The following NRXN3 variants were observed in gnomAD, a reference collection of about 807,000 sequenced individuals.
NRXN3 encodes neurexin III.
Under a neutral mutation model 137.6 loss-of-function variants are expected in NRXN3, and 32 were observed. That is an observed-to-expected ratio of 0.23 (90% CI 0.18 to 0.31). The LOEUF is 0.31. NRXN3 is among the 10% of genes least tolerant of loss of function. The probability of loss-of-function intolerance (pLI) is 1.00; values close to 1 mark genes in which losing one functional copy is unlikely to be tolerated. For missense variants in NRXN3, 1,574 were observed against 2,062.5 expected (o/e 0.76, Z 4.59); for synonymous variants, 798 against 784.5 (o/e 1.02, Z -0.29).
chr14:79,772,026 A>G lies in NRXN3; in HGVS notation c.4015-33086A>G, dbSNP rs200085486. On this transcript the variant is annotated intron_variant, in intron 19 of 20. Transcript: ENST00000335750. The stretch of plus-strand genomic sequence containing the variant: ...AATCATGAGTGAACTCCCAGTCACA[A>G]TTGCTTCAAAGAGAATAAAATACCT... Among the ~76,000 whole-genome samples the G allele has an allele frequency of 2.4e-3, 338 of 138,590 alleles. 13 individuals carry two copies. The East Asian group carries it at 0.044, about 18-fold the overall frequency. 90.9% of individuals were successfully genotyped at this position (138,590 alleles called of 152,430 possible).
At position 79,392,969 on chromosome 14, in the gene NRXN3, C is replaced by CAAAA. The variant is rs3036678; in HGVS notation, c.3263-74232_3263-74229dup. 2.0e-3 allele frequency among the ~76,000 whole-genome samples: 120 copies of CAAAA among 60,368 alleles called. 2 individuals carry two copies. The highest frequency in any genetic ancestry group is 8.2e-3 in the East Asian group (16 of 1,954). 39.6% of individuals were successfully genotyped at this position (60,368 alleles called of 152,430 possible). The stretch of plus-strand genomic sequence containing the variant: ...TGGGTGACAGAGTGAGGCTCCATCT[C>CAAAA]AAAAAAAAAAAAAAAAAAAAAAATT... On this transcript the variant is annotated intron_variant, in intron 15 of 20. Coordinates refer to ENST00000335750, the MANE Select transcript of NRXN3 (RefSeq NM_001330195.2).
At chr14:79,639,351 C>A (rs768987351) in intron 16 of NRXN3, among the ~76,000 whole-genome samples, 12 of 152,136 alleles carry the variant, frequency 7.9e-5, no homozygotes. Flanking sequence ...TTTTTTTCTG[C>A]TCCTCTCCTT....
intron 15 of NRXN3, among the ~76,000 whole-genome samples, chr14:79,214,864 C>G (rs2068237190): frequency 6.6e-6 from 1 of 152,170 alleles, no homozygotes; most frequent in Non-Finnish European, 1.5e-5. Flanking sequence ...TTTCTTTGAA[C>G]TTTCCATTAA....
chr14:79,088,243 CCT>C (rs1340721558), intron 15 of NRXN3, among the ~76,000 whole-genome samples: 3 of 149,690 alleles, frequency 2.0e-5, no homozygotes, highest in East Asian at 3.9e-4. Flanking sequence ...ATTGTTTGAA[CCT>C]CTCTCATTCT....
In NRXN3 at chr14:78,847,054, T is replaced by C. The variant is rs140920475; in HGVS notation, c.2275+36710T>C. Among the ~76,000 whole-genome samples the C allele has an allele frequency of 6.2e-3, 944 of 152,246 alleles. 7 individuals carry two copies. The highest frequency in any genetic ancestry group is 0.022 in the African/African-American group (905 of 41,570). ...GTCCCTCACTGTTGCTCAAGGCAGC[T>C]GGAAAATAGGTAAGGTAATCTTTTT... On this transcript the variant is annotated intron_variant, in intron 10 of 20. Coordinates refer to ENST00000335750, the MANE Select transcript of NRXN3 (RefSeq NM_001330195.2).
intron 15 of NRXN3, among the ~76,000 whole-genome samples, chr14:78,994,860 C>T (rs1199460668): frequency 1.3e-5 from 2 of 152,136 alleles, no homozygotes; most frequent in African/African-American, 4.8e-5. Flanking sequence ...TCCTGACACT[C>T]TACTAGGACC....
Position 79,631,318 on chromosome 14 carries a change from T to C in NRXN3, c.3445-32460T>C, listed in dbSNP as rs558519283. Reference sequence around the variant, plus strand: ...GTGACAACGTGCTAGCAGCCCTCGCTCGCTCTTGGCGCCTCCTCGGCCTCA... The same window carrying C: ...GTGACAACGTGCTAGCAGCCCTCGCCCGCTCTTGGCGCCTCCTCGGCCTCA... On this transcript the variant is annotated intron_variant, in intron 16 of 20. Transcript: ENST00000335750. Among the ~76,000 whole-genome samples the C allele has an allele frequency of 1.3e-4, 20 of 152,386 alleles. No homozygotes were observed. In the East Asian group the frequency reaches 3.9e-3, roughly 29 times the overall value.
chr14:78,266,590 C>T (rs1017038324), intron 2 of NRXN3, among the ~76,000 whole-genome samples: 3 of 152,178 alleles, frequency 2.0e-5, no homozygotes, highest in South Asian at 2.1e-4. Flanking sequence ...AGCCACCAAG[C>T]CCAGCCTAAT....
At chr14:78,642,408 A>C (rs1023849971) in intron 4 of NRXN3, among the ~76,000 whole-genome samples, 1 of 152,232 alleles carries the variant, frequency 6.6e-6, no homozygotes, top group African/African-American at 2.4e-5. Context: ...GTAGCACATT[A>C]AATAATATCT....
intron 4 of NRXN3, among the ~76,000 whole-genome samples, chr14:78,445,597 C>T (rs1276070334): frequency 6.6e-6 from 1 of 152,166 alleles, no homozygotes; most frequent in Admixed American, 6.5e-5. Context: ...GTGCCTTGAG[C>T]ACAGCTTTAT....
intron 6 of NRXN3, among the ~76,000 whole-genome samples, chr14:78,667,995 A>C (rs1172959734): frequency 6.6e-6 from 1 of 152,176 alleles, no homozygotes; most frequent in Non-Finnish European, 1.5e-5. Flanking sequence ...CCTGTTGACC[A>C]GGCAGGTCTT....
chr14:78,745,706 T>A (rs2098603982), intron 8 of NRXN3, among the ~76,000 whole-genome samples: 1 of 152,240 alleles, frequency 6.6e-6, no homozygotes, highest in Non-Finnish European at 1.5e-5. Context: ...TTAGATGTTT[T>A]ATCTCATTCA....
At chr14:78,425,106 G>T (rs2093610651) in intron 4 of NRXN3, among the ~76,000 whole-genome samples, 1 of 152,340 alleles carries the variant, frequency 6.6e-6, no homozygotes, top group Non-Finnish European at 1.5e-5. Context: ...GGGACTGGAA[G>T]ATGTCTTTGA....
At chr14:78,546,731 C>G (rs906217778) in intron 4 of NRXN3, among the ~76,000 whole-genome samples, 1 of 152,158 alleles carries the variant, frequency 6.6e-6, no homozygotes, top group Non-Finnish European at 1.5e-5. Flanking sequence ...ATAGCTAACA[C>G]TTACTGCTGC....
chr14:79,013,296 T>A (rs76717003), intron 15 of NRXN3, among the ~76,000 whole-genome samples: 5,001 of 152,236 alleles, frequency 0.033, 233 homozygotes, highest in African/African-American at 0.099. Flanking sequence ...ACTGTAACCA[T>A]TGTGAATTTA....
At chr14:78,874,103 C>T (rs1349803792) in intron 10 of NRXN3, among the ~76,000 whole-genome samples, 1 of 151,800 alleles carries the variant, frequency 6.6e-6, no homozygotes, top group African/African-American at 2.4e-5. Flanking sequence ...TCGTGAGTAG[C>T]TGGGATTACA....
At chr14:78,390,309 T>G (rs1208489884) in intron 4 of NRXN3, among the ~76,000 whole-genome samples, 2 of 152,206 alleles carry the variant, frequency 1.3e-5, no homozygotes, top group Non-Finnish European at 2.9e-5. Flanking sequence ...CTGTGTTATC[T>G]ATTGTGTCAT....
intron 4 of NRXN3, among the ~76,000 whole-genome samples, chr14:78,617,726 G>A (rs1247592313): frequency 6.6e-6 from 1 of 152,000 alleles, no homozygotes; most frequent in Non-Finnish European, 1.5e-5. Flanking sequence ...ATAATGTGAG[G>A]TGTTAGACTA....
At chr14:79,782,226 C>G (rs1251425443) in intron 19 of NRXN3, among the ~76,000 whole-genome samples, 1 of 152,050 alleles carries the variant, frequency 6.6e-6, no homozygotes, top group Non-Finnish European at 1.5e-5. Flanking sequence ...ATTGAAATAC[C>G]CCTCTCTCTC....
Sources: gnomAD v4.1 joint callset for allele counts (sites outside exome capture counted in the v4.1 genomes callset) on GRCh38, gnomAD v4.1.1 for gene constraint, MANE v1.5 for transcripts, NCBI Gene and HGNC (gene_info 2026-07-23, HGNC 2026-07-21) for gene names.